TMEM132D: variants seen among roughly 807,000 people sequenced by gnomAD.
TMEM132D encodes the protein mature OL transmembrane protein.
In TMEM132D, 21 loss-of-function variants were observed where a neutral mutation model predicts 62.3. That is an observed-to-expected ratio of 0.34 (90% confidence interval 0.24 to 0.49). The LOEUF is 0.49. TMEM132D is among the 20% of genes least tolerant of loss of function. The probability of loss-of-function intolerance (pLI) is 0.99; values close to 1 mark genes in which losing one functional copy is unlikely to be tolerated. For synonymous variants in TMEM132D, 621 were observed against 575.6 expected, an observed-to-expected ratio of 1.08 and a Z score of -1.13; for missense variants, 1,346 against 1,402.8, an observed-to-expected ratio of 0.96 and a Z score of 0.65.
intron 4 of TMEM132D, among the ~76,000 whole-genome samples, chr12:129,283,342 C>T (rs1881205578): frequency 6.6e-6 from 1 of 152,142 alleles, no homozygotes; most frequent in Non-Finnish European, 1.5e-5. Context: ...CAGGTGCATG[C>T]CACCATGCCC....
At chr12:129,468,336 T>A (rs1038997360) in intron 3 of TMEM132D, among the ~76,000 whole-genome samples, 1 of 152,178 alleles carries the variant, frequency 6.6e-6, no homozygotes, top group Non-Finnish European at 1.5e-5. Context: ...CTTTGTGCAC[T>A]GTGACAAATG....
chr12:129,776,803 A>C (rs888401212), intron 1 of TMEM132D, among the ~76,000 whole-genome samples: 4 of 151,522 alleles, frequency 2.6e-5, no homozygotes, highest in Non-Finnish European at 1.5e-5. Flanking sequence ...AAAAAAAAAA[A>C]AAAAGAAAAG....
intron 5 of TMEM132D, among the ~76,000 whole-genome samples, chr12:129,135,452 T>C (rs1396152291): frequency 1.3e-5 from 2 of 152,146 alleles, no homozygotes; most frequent in South Asian, 2.1e-4. Context: ...GGAGGCACTG[T>C]TGGGGAGATC....
chr12:129,751,931 A>G (rs1217530635), intron 1 of TMEM132D, among the ~76,000 whole-genome samples: 1 of 152,190 alleles, frequency 6.6e-6, no homozygotes, highest in African/African-American at 2.4e-5. Context: ...TGAGATCTTA[A>G]TTAAAACTAA....
At chr12:129,312,785 T>A (rs1037519554) in intron 4 of TMEM132D, among the ~76,000 whole-genome samples, 2 of 151,846 alleles carry the variant, frequency 1.3e-5, no homozygotes, top group Non-Finnish European at 2.9e-5. Context: ...GCCCCCTCCA[T>A]CCCCAAAGGA....
At chr12:129,541,343 C>G (rs530316302) in intron 2 of TMEM132D, among the ~76,000 whole-genome samples, 1 of 152,150 alleles carries the variant, frequency 6.6e-6, no homozygotes, top group Non-Finnish European at 1.5e-5. Flanking sequence ...CACCACCCAA[C>G]AACAGTCAAG....
intron 3 of TMEM132D, among the ~76,000 whole-genome samples, chr12:129,489,448 T>C (rs1343607756): frequency 6.6e-6 from 1 of 152,236 alleles, no homozygotes; most frequent in Non-Finnish European, 1.5e-5. Context: ...AGCTTTTTTC[T>C]CCTGGGTCAT....
chr12:129,737,836 G>C (rs528736019), intron 1 of TMEM132D, among the ~76,000 whole-genome samples: 3 of 152,352 alleles, frequency 2.0e-5, no homozygotes, highest in African/African-American at 7.2e-5. Context: ...CAGAGGCCCA[G>C]GATAGCTGCC....
intron 1 of TMEM132D, among the ~76,000 whole-genome samples, chr12:129,875,986 T>C (rs1316266504): frequency 1.3e-5 from 2 of 152,198 alleles, no homozygotes; most frequent in Non-Finnish European, 2.9e-5. Context: ...CATCCGTTCA[T>C]TATTTCCAAG....
chr12:129,083,929 A>T (rs1486929037), intron 6 of TMEM132D, among the ~76,000 whole-genome samples: 2 of 152,156 alleles, frequency 1.3e-5, no homozygotes, highest in East Asian at 3.9e-4. Flanking sequence ...CACTCAGTGG[A>T]CAAGCCTCAG....
rs577983326 is a variant in TMEM132D at position 129,093,009 on chromosome 12, T to G, written c.1444-8307A>C. ...ATTTGTTAATGAACAACACACCCTT[T>G]TCTGTCAAGAGATAAGCAAGTTTTA... is the stretch of plus-strand genomic sequence containing the variant. On this transcript the variant is annotated intron_variant, in intron 5 of 8. Transcript: ENST00000422113. Among the ~76,000 whole-genome samples, 3 of 152,316 alleles carry G rather than the reference T, an allele frequency of 2.0e-5. No individual in the cohort carries two copies. In the South Asian group the frequency reaches 6.2e-4, roughly 32 times the overall value.
intron 5 of TMEM132D, among the ~76,000 whole-genome samples, chr12:129,191,457 T>TATTATAAAGG (rs1565992912): frequency 2.6e-5 from 4 of 151,502 alleles, no homozygotes; most frequent in African/African-American, 9.7e-5. Context: ...TGGAGGAAAC[T>TATTATAAAGG]ATATATATGA....
chr12:129,171,621 C>T (rs1249598528), intron 5 of TMEM132D, among the ~76,000 whole-genome samples: 1 of 152,216 alleles, frequency 6.6e-6, no homozygotes, highest in Non-Finnish European at 1.5e-5. Context: ...GCTTTGTAGG[C>T]TGCAGAGTGG....
chr12:129,806,721 A>G (rs1871995849), intron 1 of TMEM132D, among the ~76,000 whole-genome samples: 1 of 152,126 alleles, frequency 6.6e-6, no homozygotes, highest in African/African-American at 2.4e-5. Flanking sequence ...AAAATAAAAA[A>G]TAAAAAAATA....
chr12:129,880,641 AG>A (rs761816949), intron 1 of TMEM132D, among the ~76,000 whole-genome samples: 2 of 152,222 alleles, frequency 1.3e-5, no homozygotes, highest in East Asian at 3.8e-4. Context: ...CACGCGAAGT[AG>A]TAATATTGCT....
At chr12:129,753,459 G>T (rs368101585) in intron 1 of TMEM132D, among the ~76,000 whole-genome samples, 1 of 152,104 alleles carries the variant, frequency 6.6e-6, no homozygotes, top group African/African-American at 2.4e-5. Context: ...TCTTCCTAAC[G>T]TTCTCCAAAT....
chr12:129,692,097 G>A (rs74396982), intron 2 of TMEM132D, among the ~76,000 whole-genome samples: 3,338 of 152,018 alleles, frequency 0.022, 170 homozygotes, highest in South Asian at 0.12. Context: ...TGTTCTAACC[G>A]TATTACCAAA....
rs151164830 is a variant in TMEM132D at position 129,132,086 on chromosome 12, A to C, written c.1444-47384T>G. On this transcript the variant is annotated intron_variant, in intron 5 of 8. Coordinates refer to ENST00000422113, the MANE Select transcript of TMEM132D (RefSeq NM_133448.3). ...TTATCCTCCACCTCACTGTTTTTTT[A>C]TTTGCAATAAGTAATTTATAAGGCA... is the stretch of plus-strand genomic sequence containing the variant. 2.0e-3 allele frequency among the ~76,000 whole-genome samples: 303 copies of C among 152,290 alleles called. 1 individual carries two copies. The highest frequency in any genetic ancestry group is 6.7e-3 in the African/African-American group (280 of 41,582).
At chr12:129,315,390 T>C (rs1210746174) in intron 4 of TMEM132D, among the ~76,000 whole-genome samples, 3 of 152,106 alleles carry the variant, frequency 2.0e-5, no homozygotes, top group Non-Finnish European at 4.4e-5. Flanking sequence ...TTTCTGCATC[T>C]ATTGAGATGA....
Sources: gnomAD v4.1 joint callset for allele counts (sites outside exome capture counted in the v4.1 genomes callset) on GRCh38, gnomAD v4.1.1 for gene constraint, MANE v1.5 for transcripts, NCBI Gene and HGNC (gene_info 2026-07-23, HGNC 2026-07-21) for gene names.